The following ASAP1 variants were observed in gnomAD, a reference collection of about 807,000 sequenced individuals.
The protein encoded by ASAP1 is arf-GAP with SH3 domain, ANK repeat and PH domain-containing protein 1.
ASAP1 carries 43 observed loss-of-function variants against 145.2 expected under a neutral mutation model. The observed-to-expected ratio is 0.30, with a 90% CI of 0.23 to 0.38. ASAP1 has a LOEUF of 0.38. ASAP1 is among the 10% of genes least tolerant of loss of function. ASAP1 has a pLI of 1.00. For missense variants in ASAP1, 1,018 were observed against 1,355.3 expected, an observed-to-expected ratio of 0.75 and a Z score of 3.91; for synonymous variants, 546 against 515.5, an observed-to-expected ratio of 1.06 and a Z score of -0.80.
chr8:130,055,819 G>A (rs2097402752), intron 29 of ASAP1, among the ~76,000 whole-genome samples: 1 of 152,252 alleles, frequency 6.6e-6, no homozygotes. Context: ...TTTTAAGAGT[G>A]GAACAGAGTC....
chr8:130,082,496 G>A (rs932522216), intron 25 of ASAP1, among the ~76,000 whole-genome samples: 6 of 138,250 alleles, frequency 4.3e-5, no homozygotes, highest in East Asian at 4.6e-4. Context: ...GCCACCACAC[G>A]TGGCCTTTTT....
intron 1 of ASAP1, among the ~76,000 whole-genome samples, chr8:130,428,666 C>CACCATCATCATCACCATCAGAACT (rs1830032196): frequency 6.7e-6 from 1 of 149,976 alleles, no homozygotes; most frequent in African/African-American, 2.5e-5. Context: ...ACCATCCCCC[C>CACCATCATCATCACCATCAGAACT]ACCATCATCA....
intron 11 of ASAP1, chr8:130,162,926 C>T (rs2097672561): frequency 6.6e-6 from 1 of 152,430 alleles, no homozygotes; most frequent in South Asian, 2.1e-4. Context: ...TCTTCATCTG[C>T]CCACATAATT....
At chr8:130,264,174 T>C (rs1820107273) in intron 3 of ASAP1, among the ~76,000 whole-genome samples, 1 of 152,216 alleles carries the variant, frequency 6.6e-6, no homozygotes, top group Non-Finnish European at 1.5e-5. Flanking sequence ...ACATCAGAGA[T>C]GGGCTTAACC....
At chr8:130,202,001 T>C (rs12549794) in intron 5 of ASAP1, among the ~76,000 whole-genome samples, 49,572 of 152,070 alleles carry the variant, frequency 0.33, 9,356 homozygotes, top group East Asian at 0.59. Context: ...TAGGGTGACA[T>C]AGTAATGTCT....
chr8:130,315,504 A>G (rs1254772518), intron 3 of ASAP1, among the ~76,000 whole-genome samples: 2 of 152,162 alleles, frequency 1.3e-5, no homozygotes, highest in Non-Finnish European at 2.9e-5. Context: ...AAAACCCTAC[A>G]CATTGAGCAG....
intron 25 of ASAP1, among the ~76,000 whole-genome samples, chr8:130,086,881 G>A (rs1400659651): frequency 1.3e-5 from 2 of 152,204 alleles, no homozygotes; most frequent in African/African-American, 2.4e-5. Context: ...TGTAATGAAG[G>A]AAGTGTGGCC....
intron 12 of ASAP1, 151 bp from the exon 13 acceptor site, chr8:130,152,956 A>G: frequency 1.9e-6 from 1 of 540,310 alleles, no homozygotes; most frequent in Non-Finnish European, 3.2e-6. Flanking sequence ...GCCTTTTATT[A>G]TCCCAGGTGG....
intron 15 of ASAP1, among the ~76,000 whole-genome samples, chr8:130,132,495 C>T (rs1306771859): frequency 1.3e-5 from 2 of 152,174 alleles, no homozygotes; most frequent in African/African-American, 2.4e-5. Flanking sequence ...CCTTCCCCTA[C>T]GTTCCTGAGC....
chr8:130,217,632 GAC>G (rs1817019933), intron 4 of ASAP1, among the ~76,000 whole-genome samples: 1 of 151,902 alleles, frequency 6.6e-6, no homozygotes. Flanking sequence ...CTACCCAATG[GAC>G]ACTGCTGTAG....
At chr8:130,218,101 C>T (rs565369596) in intron 4 of ASAP1, among the ~76,000 whole-genome samples, 14 of 152,188 alleles carry the variant, frequency 9.2e-5, no homozygotes, top group African/African-American at 3.1e-4. Context: ...CGAGCTCAAC[C>T]GAGAAGACAC....
intron 4 of ASAP1, among the ~76,000 whole-genome samples, chr8:130,227,955 G>A (rs1817682032): frequency 6.6e-6 from 1 of 152,154 alleles, no homozygotes; most frequent in African/African-American, 2.4e-5. Context: ...AAGGGCAACA[G>A]CACATGTGAG....
At chr8:130,289,453 G>A in intron 3 of ASAP1, among the ~76,000 whole-genome samples, 1 of 152,094 alleles carries the variant, frequency 6.6e-6, no homozygotes, top group East Asian at 1.9e-4. Context: ...CGTATTCAAA[G>A]GGCACAAGAA....
At chr8:130,385,895 G>A (rs1158820186) in intron 2 of ASAP1, among the ~76,000 whole-genome samples, 1 of 152,136 alleles carries the variant, frequency 6.6e-6, no homozygotes. Flanking sequence ...ACATCCTTTG[G>A]TTCCTGTGGG....
intron 3 of ASAP1, among the ~76,000 whole-genome samples, chr8:130,242,261 T>TAAACAAAA (rs1554855669): frequency 2.3e-5 from 2 of 85,334 alleles, no homozygotes; most frequent in African/African-American, 9.7e-5. Flanking sequence ...GTGATTTCCT[T>TAAACAAAA]AAAAAAAAAA....
intron 26 of ASAP1, 96 bp downstream of exon 26, chr8:130,079,806 G>C (rs945780966): frequency 1.5e-6 from 2 of 1,303,372 alleles, no homozygotes; most frequent in African/African-American, 1.5e-5. Flanking sequence ...CCACAGCTTT[G>C]AGCAGCGCTG....
rs190408673 is a variant in ASAP1, at chr8:130,126,207, A to T, written c.1382-118T>A. The T allele has an allele frequency of 1.3e-3, 1,213 of 931,126 alleles. 5 individuals are homozygous for T. The highest frequency in any genetic ancestry group is 1.7e-3 in the Non-Finnish European group (1,112 of 645,578). 57.7% of individuals were successfully genotyped at this position (931,126 alleles called of 1,614,324 possible). On this transcript the variant is annotated intron_variant, in intron 16 of 29. Transcript: ENST00000518721. ...TTAAGAACTATGAAGAAAAGACTTA[A>T]ATGGAAGAAATGGACTCTTGAGGTT...
At chr8:130,141,282 C>T (rs1046108395) in intron 13 of ASAP1, among the ~76,000 whole-genome samples, 27 of 152,160 alleles carry the variant, frequency 1.8e-4, no homozygotes, top group African/African-American at 5.3e-4. Flanking sequence ...AGGCACCAAT[C>T]GCAGGCCCCT....
chr8:130,099,012 C>CTCAATACTCTCTACTAATATAAGCT (rs2097523945), intron 24 of ASAP1, among the ~76,000 whole-genome samples: 3 of 116,086 alleles, frequency 2.6e-5, no homozygotes, highest in Non-Finnish European at 3.4e-5. Context: ...CTAATATAAG[C>CTCAATACTCTCTACTAATATAAGCT]TTTTTTTTTT....
Sources: gnomAD v4.1 joint callset for allele counts (sites outside exome capture counted in the v4.1 genomes callset) on GRCh38, gnomAD v4.1.1 for gene constraint, MANE v1.5 for transcripts, NCBI Gene and HGNC (gene_info 2026-07-23, HGNC 2026-07-21) for gene names.